The following EZHIP variants were observed in gnomAD, a reference collection of about 807,000 sequenced individuals.
The protein encoded by EZHIP is K27M-like inhibitor of PRC2.
For synonymous variants in EZHIP, 192 were observed against 86.5 expected (o/e 2.22, Z -6.77); for missense variants, 428 against 204.2 (o/e 2.10, Z -6.68).
At position 51,407,330 on chromosome X, in the gene EZHIP, G is replaced by C; in HGVS notation, c.314G>C (p.Ser105Thr). The change falls in exon 1 of 1, where the codon AGT becomes ACT. Residue 105 changes from serine (S) to threonine (T), a missense_variant. Ser to Thr is a moderately conservative substitution (Grantham distance 58, BLOSUM62 1). Coordinates refer to ENST00000342995, the MANE Select transcript of EZHIP (RefSeq NM_203407.3). ...CATTCTGACCGCCAGGACTGCCGCA[G>C]TCCTCACGAAGTTTTTGGGTGTGTG... ...ERHSDRQDCR[S>T]PHEVFGCVVP... 1.8e-6 allele frequency: 1 copy of C among 570,354 alleles called. No individual in the cohort carries two copies. The allele number at this position is 570,354 out of a possible 1,213,427, so 47.0% of individuals were successfully genotyped here.
Position 51,407,935 on chromosome X carries a change from G to C in EZHIP, c.919G>C (p.Ala307Pro), listed in dbSNP as rs369835941. 1.2e-4 allele frequency: 66 copies of C among 557,420 alleles called. No homozygotes were observed. The highest frequency in any genetic ancestry group is 1.9e-4 in the Non-Finnish European group (59 of 306,183). The allele number at this position is 557,420 out of a possible 1,213,427, so 45.9% of individuals were successfully genotyped here. Residue 307 changes from alanine to proline, a missense_variant, in exon 1 of 1, where the codon GCG becomes CCG. By Grantham distance (27) the Ala-to-Pro change is conservative. Transcript: ENST00000342995. ...CTCTGCCCCCCGAGGCCGCGATTCT[G>C]CGCCAGGCTCTGCCCGCCGAGGCCG... ...PVSAPRGRDS[A>P]PGSARRGRDS...
Position 51,408,714 on chromosome X carries a change from C to A in EZHIP, c.*186C>A, listed in dbSNP as rs1924152717. 1 of 409,811 alleles carries A rather than the reference C, an allele frequency of 2.4e-6. No homozygotes were observed. Among genetic ancestry groups the A allele is most frequent in the East Asian group, 3.8e-5 (1 of 26,067 alleles). 33.8% of individuals were successfully genotyped at this position (409,811 alleles called of 1,213,427 possible). On this transcript the variant is annotated 3_prime_UTR_variant, in exon 1 of 1. Coordinates refer to ENST00000342995, the MANE Select transcript of EZHIP (RefSeq NM_203407.3). Reference sequence around the variant, plus strand: ...ACCTAGCACTTAACCTGCTGTTGGCCTTTGATTCTGGGCCACCTTCTTCCT... The same window carrying A: ...ACCTAGCACTTAACCTGCTGTTGGCATTTGATTCTGGGCCACCTTCTTCCT...
Position 51,407,468 on chromosome X carries a change from C to T in EZHIP, c.452C>T (p.Pro151Leu), listed in dbSNP as rs782601742. 14 of 533,497 alleles carry T rather than the reference C, an allele frequency of 2.6e-5. No individual in the cohort carries two copies. The highest frequency in any genetic ancestry group is 2.2e-4 in the South Asian group (9 of 41,086). 44.0% of individuals were successfully genotyped at this position (533,497 alleles called of 1,213,427 possible). The change falls in exon 1 of 1, where the codon CCC becomes CTC. Residue 151 changes from proline (P) to leucine (L), a missense_variant. Transcript: ENST00000342995. The part of the protein sequence containing the change: ...SPGNSRRRKQ[P>L]CRNQAAPAQK... The stretch of plus-strand genomic sequence containing the variant: ...GGGAACAGCCGTCGTAGGAAGCAGC[C>T]CTGCCGCAACCAGGCTGCCCCGGCT...
At position 51,407,700 on chromosome X, in the gene EZHIP, A is replaced by G. The variant is rs782136768; in HGVS notation, c.684A>G (p.Ala228=). ...TLVASALRRR[A]SGPGPVIRGC... The stretch of plus-strand genomic sequence containing the variant: ...TAGCTTCTGCTCTCCGCAGACGTGC[A>G]TCTGGTCCAGGCCCTGTCATCCGAG... The change falls in exon 1 of 1, where the codon GCA becomes GCG. Residue 228 remains alanine (A), a synonymous_variant. Coordinates refer to ENST00000342995, the MANE Select transcript of EZHIP (RefSeq NM_203407.3). The G allele has an allele frequency of 1.4e-5, 8 of 564,514 alleles. No homozygotes were observed. In the South Asian group the frequency reaches 1.8e-4, roughly 13 times the overall value. The allele number at this position is 564,514 out of a possible 1,213,427, so 46.5% of individuals were successfully genotyped here.
rs782230573 is a variant in EZHIP, at chrX:51,407,472, C to T, written c.456C>T (p.Cys152=). Residue 152 remains cysteine, a synonymous_variant, in exon 1 of 1, where the codon TGC becomes TGT. Transcript: ENST00000342995. ...PGNSRRRKQP[C]RNQAAPAQKP... ...ACAGCCGTCGTAGGAAGCAGCCCTG[C>T]CGCAACCAGGCTGCCCCGGCTCAGA... is the stretch of plus-strand genomic sequence containing the variant. The T allele has an allele frequency of 1.9e-6, 1 of 534,741 alleles. No individual in the cohort carries two copies. The highest frequency in any genetic ancestry group is 2.3e-5 in the African/African-American group (1 of 43,967). The allele number at this position is 534,741 out of a possible 1,213,427, so 44.1% of individuals were successfully genotyped here.
rs1959761259 is a variant in EZHIP, at chrX:51,408,628, G to C, written c.*100G>C. ...GTAGTTAGCTGCGAGGTCTCCCAAA[G>C]TTCCAGCCGTTAACCAACATCCTGA... On this transcript the variant is annotated 3_prime_UTR_variant, in exon 1 of 1. Coordinates refer to ENST00000342995, the MANE Select transcript of EZHIP (RefSeq NM_203407.3). 1 of 476,862 alleles carries C rather than the reference G, an allele frequency of 2.1e-6. No homozygotes were observed. The highest frequency in any genetic ancestry group is 3.8e-6 in the Non-Finnish European group (1 of 263,144). The allele number at this position is 476,862 out of a possible 1,213,427, so 39.3% of individuals were successfully genotyped here.
rs782507486 is a variant in EZHIP at position 51,407,632 on chromosome X, G to T, written c.616G>T (p.Ala206Ser). The T allele has an allele frequency of 7.1e-6, 4 of 563,096 alleles. No homozygotes were observed. In the East Asian group the frequency reaches 1.3e-4, roughly 19 times the overall value. 46.4% of individuals were successfully genotyped at this position (563,096 alleles called of 1,213,427 possible). The stretch of plus-strand genomic sequence containing the variant: ...GCCAGGCCCTGCACTCCTAAGCCAC[G>T]CATCTGAGGCAAGGCCTGCTACCCG... ...TQPGPALLSH[A>S]SEARPATRSR... Residue 206 changes from alanine to serine, a missense_variant, in exon 1 of 1, where the codon GCA becomes TCA. Physicochemically the swap from Ala to Ser is moderately conservative, Grantham distance 99. Transcript: ENST00000342995.
Position 51,407,156 on chromosome X carries a change from C to T in EZHIP, c.140C>T (p.Thr47Ile). ...GNQDPAASVT[T>I]VSSQASPSGG... The stretch of plus-strand genomic sequence containing the variant: ...CAAGATCCTGCTGCTTCCGTCACCA[C>T]AGTCTCCAGCCAAGCATCTCCCTCG... Residue 47 changes from threonine to isoleucine, a missense_variant, in exon 1 of 1, where the codon ACA becomes ATA. Physicochemically the swap from Thr to Ile is moderately conservative, Grantham distance 89. Transcript: ENST00000342995. 1 of 571,012 alleles carries T rather than the reference C, an allele frequency of 1.8e-6. No homozygotes were observed. The highest frequency in any genetic ancestry group is 3.2e-6 in the Non-Finnish European group (1 of 309,482). 47.1% of individuals were successfully genotyped at this position (571,012 alleles called of 1,213,427 possible).
chrX:51,408,236 G>A lies in EZHIP; in HGVS notation c.1220G>A (p.Arg407His), dbSNP rs1226291397. The A allele has an allele frequency of 5.3e-6, 3 of 570,945 alleles. No homozygotes were observed. Among genetic ancestry groups the A allele is most frequent in the Non-Finnish European group, 9.7e-6 (3 of 309,496 alleles). 47.1% of individuals were successfully genotyped at this position (570,945 alleles called of 1,213,427 possible). A position where few individuals can be genotyped will look rare whatever the true frequency, so the allele number is the denominator to read the frequency against. ...CCTGTTTGGCATGCAGTCCGTATGC[G>A]TGCCTCCTCACCCTCACCCCCTGGG... is the stretch of plus-strand genomic sequence containing the variant. ...SPPVWHAVRM[R>H]ASSPSPPGRF... Residue 407 changes from arginine (R) to histidine (H), a missense_variant, in exon 1 of 1, where the codon CGT becomes CAT. Arg to His is a conservative substitution (Grantham distance 29). Transcript: ENST00000342995.
Position 51,406,958 on chromosome X carries a change from G to T in EZHIP, c.-59G>T. The T allele has an allele frequency of 3.8e-6, 2 of 524,698 alleles. No individual in the cohort carries two copies. Among genetic ancestry groups the T allele is most frequent in the Non-Finnish European group, 7.0e-6 (2 of 283,995 alleles). 43.2% of individuals were successfully genotyped at this position (524,698 alleles called of 1,213,427 possible). A position where few individuals can be genotyped will look rare whatever the true frequency, so the allele number is the denominator to read the frequency against. On this transcript the variant is annotated 5_prime_UTR_variant, in exon 1 of 1. Coordinates refer to ENST00000342995, the MANE Select transcript of EZHIP (RefSeq NM_203407.3). ...CCACCTTCTTGCTCTACCAGTTCGC[G>T]CTCTCCTCCGGCAGAAGTAGCAGCT...
chrX:51,406,982 C>G lies in EZHIP; in HGVS notation c.-35C>G, dbSNP rs376574554. On this transcript the variant is annotated 5_prime_UTR_variant, in exon 1 of 1. Transcript: ENST00000342995. ...CGCTCTCCTCCGGCAGAAGTAGCAG[C>G]TGCGCTCTTGCTCTCTGGGGGAGAA... is the stretch of plus-strand genomic sequence containing the variant. 5.5e-6 allele frequency: 3 copies of G among 546,450 alleles called. No individual in the cohort carries two copies. The highest frequency in any genetic ancestry group is 2.5e-5 in the South Asian group (1 of 40,693). 45.0% of individuals were successfully genotyped at this position (546,450 alleles called of 1,213,427 possible).
At position 51,407,817 on chromosome X, in the gene EZHIP, C is replaced by T. The variant is rs782249898; in HGVS notation, c.801C>T (p.Ala267=). Residue 267 remains alanine, a synonymous_variant, in exon 1 of 1, where the codon GCC becomes GCT. Coordinates refer to ENST00000342995, the MANE Select transcript of EZHIP (RefSeq NM_203407.3). ...GCCCTGAATCTGCGCCAGGCCCTGCCCGCCGAGGCCGTGCATCTGTGCCAG... is the reference window on the plus strand; with the variant it reads ...GCCCTGAATCTGCGCCAGGCCCTGCTCGCCGAGGCCGTGCATCTGTGCCAG... The part of the protein sequence containing the change: ...RLSPESAPGP[A]RRGRASVPGP... 1.8e-6 allele frequency: 1 copy of T among 558,233 alleles called. No homozygotes were observed. Among genetic ancestry groups the T allele is most frequent in the Admixed American group, 2.3e-5 (1 of 44,331 alleles). 46.0% of individuals were successfully genotyped at this position (558,233 alleles called of 1,213,427 possible).
chrX:51,407,358 GC>G lies in EZHIP; in HGVS notation c.345del (p.Glu116ArgfsTer88). On this transcript the variant is annotated frameshift_variant, in exon 1 of 1. Coordinates refer to ENST00000342995, the MANE Select transcript of EZHIP (RefSeq NM_203407.3). LOFTEE classifies it low-confidence loss of function (END_TRUNC). The part of the protein sequence containing the change: ...SPHEVFGCVV[P>X]EGGSQAAVGP... ...CTCACGAAGTTTTTGGGTGTGTGGTGCCCGAGGGGGGCAGCCAGGCCGCTGT... is the reference window on the plus strand; with the variant it reads ...CTCACGAAGTTTTTGGGTGTGTGGTGCCGAGGGGGGCAGCCAGGCCGCTGT... The G allele has an allele frequency of 1.8e-6, 1 of 565,984 alleles. No homozygotes were observed. The highest frequency in any genetic ancestry group is 3.3e-6 in the Non-Finnish European group (1 of 307,165). 46.6% of individuals were successfully genotyped at this position (565,984 alleles called of 1,213,427 possible).
chrX:51,407,163 C>T lies in EZHIP; in HGVS notation c.147C>T (p.Ser49=), dbSNP rs782554685. 1 of 571,082 alleles carries T rather than the reference C, an allele frequency of 1.8e-6. No individual in the cohort carries two copies. Among genetic ancestry groups the T allele is most frequent in the Non-Finnish European group, 3.2e-6 (1 of 309,493 alleles). The allele number at this position is 571,082 out of a possible 1,213,427, so 47.1% of individuals were successfully genotyped here. A position where few individuals can be genotyped will look rare whatever the true frequency, so the allele number is the denominator to read the frequency against. The change falls in exon 1 of 1, where the codon TCC becomes TCT. Residue 49 remains serine, a synonymous_variant. Coordinates refer to ENST00000342995, the MANE Select transcript of EZHIP (RefSeq NM_203407.3). The stretch of plus-strand genomic sequence containing the variant: ...CTGCTGCTTCCGTCACCACAGTCTC[C>T]AGCCAAGCATCTCCCTCGGGCGGCG... ...QDPAASVTTV[S]SQASPSGGAA... is the part of the protein sequence containing the mutation.
chrX:51,407,681 C>A lies in EZHIP; in HGVS notation c.665C>A (p.Ser222Tyr). ...CGAAGCCGCATCACCCTGGTAGCTT[C>A]TGCTCTCCGCAGACGTGCATCTGGT... is the stretch of plus-strand genomic sequence containing the variant. ...ATRSRITLVA[S>Y]ALRRRASGPG... Residue 222 changes from serine (S) to tyrosine (Y), a missense_variant, in exon 1 of 1, where the codon TCT (serine) becomes TAT (tyrosine). Transcript: ENST00000342995. The A allele has an allele frequency of 1.8e-6, 1 of 563,810 alleles. No homozygotes were observed. The highest frequency in any genetic ancestry group is 3.3e-6 in the Non-Finnish European group (1 of 306,059). The allele number at this position is 563,810 out of a possible 1,213,427, so 46.5% of individuals were successfully genotyped here.
rs1272298856 is a variant in EZHIP, at chrX:51,407,544, TCCAGGGTTCCGG to T, written c.531_542del (p.Gly178_Pro181del). On this transcript the variant is annotated inframe_deletion, in exon 1 of 1. Coordinates refer to ENST00000342995, the MANE Select transcript of EZHIP (RefSeq NM_203407.3). The stretch of plus-strand genomic sequence containing the variant: ...TTCCTGAGCCTTTGCCGCCATCTTC[TCCAGGGTTCCGG>T]CCCAGCAGCTATCCCTGTTCCGGGG... 1.8e-6 allele frequency: 1 copy of T among 549,012 alleles called. No individual in the cohort carries two copies. The highest frequency in any genetic ancestry group is 3.4e-5 in the East Asian group (1 of 29,562). 45.2% of individuals were successfully genotyped at this position (549,012 alleles called of 1,213,427 possible). A position where few individuals can be genotyped will look rare whatever the true frequency, so the allele number is the denominator to read the frequency against.
rs143277893 is a variant in EZHIP, at chrX:51,407,180, C to G, written c.164C>G (p.Ser55Trp). ...VTTVSSQASPSGGAALSSSTA... is the reference protein window; with the variant it reads ...VTTVSSQASPWGGAALSSSTA... ...ACAGTCTCCAGCCAAGCATCTCCCT[C>G]GGGCGGCGCCGCCCTAAGCAGCAGC... Residue 55 changes from serine (S) to tryptophan (W), a missense_variant, in exon 1 of 1, where the codon TCG becomes TGG. Transcript: ENST00000342995. 3 of 568,935 alleles carry G rather than the reference C, an allele frequency of 5.3e-6. No individual in the cohort carries two copies. The African/African-American group carries it at 6.7e-5, about 13-fold the overall frequency. The allele number at this position is 568,935 out of a possible 1,213,427, so 46.9% of individuals were successfully genotyped here.
Position 51,407,220 on chromosome X carries a change from C to T in EZHIP, c.204C>T (p.Ser68=). 1 of 570,015 alleles carries T rather than the reference C, an allele frequency of 1.8e-6. No individual in the cohort carries two copies. 47.0% of individuals were successfully genotyped at this position (570,015 alleles called of 1,213,427 possible). The part of the protein sequence containing the change: ...AALSSSTAGS[S]AAAATSAAIF... The stretch of plus-strand genomic sequence containing the variant: ...TAAGCAGCAGCACAGCCGGTTCTTC[C>T]GCTGCAGCCGCCACCTCCGCCGCCA... Residue 68 remains serine, a synonymous_variant, in exon 1 of 1, where the codon TCC becomes TCT. Transcript: ENST00000342995.
At position 51,408,252 on chromosome X, in the gene EZHIP, A is replaced by G; in HGVS notation, c.1236A>G (p.Ser412=). ...HAVRMRASSP[S]PPGRFFLPIP... ...TCCGTATGCGTGCCTCCTCACCCTCACCCCCTGGGAGGTTCTTCCTTCCCA... is the reference window on the plus strand; with the variant it reads ...TCCGTATGCGTGCCTCCTCACCCTCGCCCCCTGGGAGGTTCTTCCTTCCCA... The change falls in exon 1 of 1, where the codon TCA becomes TCG. Residue 412 remains serine, a synonymous_variant. Coordinates refer to ENST00000342995, the MANE Select transcript of EZHIP (RefSeq NM_203407.3). The G allele has an allele frequency of 1.8e-6, 1 of 567,136 alleles. No individual in the cohort carries two copies. The highest frequency in any genetic ancestry group is 3.2e-6 in the Non-Finnish European group (1 of 308,346). 46.7% of individuals were successfully genotyped at this position (567,136 alleles called of 1,213,427 possible).
Sources: allele counts gnomAD v4.1 joint callset, GRCh38; gene constraint gnomAD v4.1.1; transcripts MANE v1.5; gene names NCBI Gene and HGNC (gene_info 2026-07-23, HGNC 2026-07-21).